The following FBXL7 variants were observed in gnomAD, a reference collection of about 807,000 sequenced individuals.
FBXL7 encodes the protein F-box/LRR-repeat protein 7.
FBXL7 carries 12 observed loss-of-function variants against 38.3 expected under a neutral mutation model. The ratio of observed to expected loss-of-function variants is 0.31; its 90% CI spans 0.20 to 0.51. The LOEUF (loss-of-function observed/expected upper bound fraction) is 0.51, where lower values mean the gene tolerates loss of function less well. Among genes scored for constraint, FBXL7 ranks in the 20% least tolerant of loss-of-function variants. The pLI is 0.98. For synonymous variants in FBXL7, 297 were observed against 300.9 expected (o/e 0.99, Z 0.13); for missense variants, 567 against 676.4 (o/e 0.84, Z 1.79).
intron 2 of FBXL7, among the ~76,000 whole-genome samples, chr5:15,672,455 A>G (rs927039449): frequency 1.3e-5 from 2 of 152,140 alleles, no homozygotes; most frequent in Non-Finnish European, 2.9e-5. Flanking sequence ...TTTAGTTTCT[A>G]AAAACGATTC....
chr5:15,561,001 C>A (rs1251981319), intron 1 of FBXL7, among the ~76,000 whole-genome samples: 3 of 152,154 alleles, frequency 2.0e-5, no homozygotes, highest in Non-Finnish European at 4.4e-5. Context: ...AGTAAATTAA[C>A]ATATCCATCA....
At chr5:15,573,711 A>T (rs1738866892) in intron 1 of FBXL7, among the ~76,000 whole-genome samples, 1 of 152,228 alleles carries the variant, frequency 6.6e-6, no homozygotes. Context: ...ACTTAATCAG[A>T]TACTCTGCTT....
chr5:15,694,386 A>T (rs1743269939), intron 2 of FBXL7, among the ~76,000 whole-genome samples: 1 of 152,216 alleles, frequency 6.6e-6, no homozygotes, highest in Admixed American at 6.5e-5. Context: ...GCTTAGCGAA[A>T]AAAGGTCAAA....
intron 2 of FBXL7, among the ~76,000 whole-genome samples, chr5:15,624,710 C>T (rs1257829518): frequency 1.3e-5 from 2 of 152,148 alleles, no homozygotes; most frequent in Non-Finnish European, 1.5e-5. Flanking sequence ...GTAGATGATT[C>T]TGATGATTCA....
intron 1 of FBXL7, among the ~76,000 whole-genome samples, chr5:15,527,411 A>C (rs2126384853): frequency 6.6e-6 from 1 of 152,334 alleles, no homozygotes; most frequent in African/African-American, 2.4e-5. Context: ...GAGAGTTAGC[A>C]TATACCAGAA....
At chr5:15,622,576 G>T (rs930097184) in intron 2 of FBXL7, among the ~76,000 whole-genome samples, 1 of 152,072 alleles carries the variant, frequency 6.6e-6, no homozygotes, top group Non-Finnish European at 1.5e-5. Flanking sequence ...GATAATGATG[G>T]TTTCCAGCTT....
At chr5:15,643,708 G>T (rs1741439825) in intron 2 of FBXL7, among the ~76,000 whole-genome samples, 1 of 152,212 alleles carries the variant, frequency 6.6e-6, no homozygotes, top group African/African-American at 2.4e-5. Context: ...TGATGGAGAT[G>T]ATTAGTGTGG....
intron 2 of FBXL7, among the ~76,000 whole-genome samples, chr5:15,650,005 A>G (rs144910001): frequency 6.6e-6 from 1 of 152,292 alleles, no homozygotes; most frequent in East Asian, 1.9e-4. Flanking sequence ...CTTTGATCAG[A>G]TATTTCCCAG....
chr5:15,613,831 C>T (rs1023353503), intron 1 of FBXL7, among the ~76,000 whole-genome samples: 1 of 152,174 alleles, frequency 6.6e-6, no homozygotes, highest in African/African-American at 2.4e-5. Flanking sequence ...GGCTTATAAA[C>T]AACAGAAATG....
intron 2 of FBXL7, among the ~76,000 whole-genome samples, chr5:15,881,146 T>C (rs1038254419): frequency 6.6e-6 from 1 of 152,178 alleles, no homozygotes; most frequent in Non-Finnish European, 1.5e-5. Context: ...ACCCAAGCAG[T>C]ACCCAATGTG....
At position 15,936,872 on chromosome 5, in the gene FBXL7, G is replaced by A; in HGVS notation, c.1162G>A (p.Gly388Ser). Residue 388 changes from glycine (G) to serine (S), a missense_variant, in exon 4 of 4, where the codon GGC (glycine) becomes AGC (serine). Gly to Ser is a moderately conservative substitution (Grantham distance 56). Coordinates refer to ENST00000504595, the MANE Select transcript of FBXL7 (RefSeq NM_012304.5). The surrounding 1 kb of genome is among the most constrained non-coding windows in gnomAD (Gnocchi z 6.0). ...LRYLNARGCE[G>S]ITDHGVEYLA... ...CTACCTCAACGCGAGGGGCTGCGAG[G>A]GCATCACGGACCACGGTGTGGAGTA... The A allele has an allele frequency of 6.2e-7, 1 of 1,613,990 alleles. No homozygotes were observed. The highest frequency in any genetic ancestry group is 8.5e-7 in the Non-Finnish European group (1 of 1,179,876).
At chr5:15,615,910 G>C in intron 1 of FBXL7, 73 bp from the exon 2 acceptor site, 3 of 929,288 alleles carry the variant, frequency 3.2e-6, no homozygotes, top group Non-Finnish European at 5.1e-6. Context: ...GGCTTGCTGT[G>C]GGACCGAGTG....
At chr5:15,761,579 G>A (rs1013394464) in intron 2 of FBXL7, among the ~76,000 whole-genome samples, 5 of 152,034 alleles carry the variant, frequency 3.3e-5, no homozygotes, top group African/African-American at 9.7e-5. Context: ...GTCTCACTCC[G>A]GTTGTCCAGG....
chr5:15,639,451 C>G (rs1007973495), intron 2 of FBXL7, among the ~76,000 whole-genome samples: 1 of 152,030 alleles, frequency 6.6e-6, no homozygotes. Context: ...GAGGGAGTTT[C>G]CCTGCACAGG....
chr5:15,611,597 AGGAACCTAACTCTG>A (rs1740237404), intron 1 of FBXL7, among the ~76,000 whole-genome samples: 1 of 151,668 alleles, frequency 6.6e-6, no homozygotes, highest in Non-Finnish European at 1.5e-5. Flanking sequence ...AGAGGCTCTC[AGGAACCTAACTCTG>A]TTTCCCTTTG....
chr5:15,671,879 A>G, intron 2 of FBXL7, among the ~76,000 whole-genome samples: 1 of 152,222 alleles, frequency 6.6e-6, no homozygotes, highest in South Asian at 2.1e-4. Flanking sequence ...ATATGGGCAG[A>G]GAGAAATATA....
chr5:15,883,799 C>T (rs1162328211), intron 2 of FBXL7, among the ~76,000 whole-genome samples: 2 of 152,114 alleles, frequency 1.3e-5, no homozygotes, highest in East Asian at 3.8e-4. Context: ...CAGACCATTC[C>T]AAGTAGAGAT....
At chr5:15,753,024 A>T (rs749383376) in intron 2 of FBXL7, among the ~76,000 whole-genome samples, 1 of 152,074 alleles carries the variant, frequency 6.6e-6, no homozygotes, top group Non-Finnish European at 1.5e-5. Flanking sequence ...GACCTTGAAC[A>T]TTTTCGCCGC....
chr5:15,888,647 G>GA (rs909571573), intron 2 of FBXL7, among the ~76,000 whole-genome samples: 1 of 151,972 alleles, frequency 6.6e-6, no homozygotes, highest in Non-Finnish European at 1.5e-5. Context: ...GTCAGGTTTA[G>GA]AAAAAAATCT....
Sources: gnomAD v4.1 joint callset for allele counts (sites outside exome capture counted in the v4.1 genomes callset) on GRCh38, gnomAD v4.1.1 for gene constraint, Gnocchi (gnomAD v3.1) non-coding constraint, MANE v1.5 for transcripts, NCBI Gene and HGNC (gene_info 2026-07-23, HGNC 2026-07-21) for gene names.